Variants in ZEB1 observed in about 807,000 individuals in gnomAD.
ZEB1 encodes zinc finger E-box-binding homeobox 1.
ZEB1 carries 21 observed loss-of-function variants against 84.9 expected under a neutral mutation model. That is an observed-to-expected ratio of 0.25 (90% CI 0.18 to 0.36). The LOEUF is 0.36. ZEB1 is among the 10% of genes least tolerant of loss of function. The pLI, the probability that ZEB1 is intolerant of heterozygous loss-of-function variation, is 1.00. For missense variants in ZEB1, 1,104 were observed against 1,330.2 expected, an observed-to-expected ratio of 0.83 and a Z score of 2.65; for synonymous variants, 420 against 471.1, an observed-to-expected ratio of 0.89 and a Z score of 1.41.
chr10:31,470,790 A>G (rs1227552947), intron 2 of ZEB1, among the ~76,000 whole-genome samples: 25 of 135,342 alleles, frequency 1.8e-4, no homozygotes, highest in Middle Eastern at 3.6e-3. Flanking sequence ...AATGAAGGAA[A>G]AAATGTTAAG....
At chr10:31,402,604 G>A (rs2052266344) in intron 1 of ZEB1, among the ~76,000 whole-genome samples, 1 of 151,972 alleles carries the variant, frequency 6.6e-6, no homozygotes, top group Admixed American at 6.6e-5. Context: ...ACTAGTGACT[G>A]CTGAAGTTTC....
chr10:31,445,362 C>G (rs1185118972), intron 1 of ZEB1, among the ~76,000 whole-genome samples: 1 of 149,454 alleles, frequency 6.7e-6, no homozygotes, highest in Non-Finnish European at 1.5e-5. Flanking sequence ...TGTCTGCAAA[C>G]AGGGACAATT....
intron 1 of ZEB1, among the ~76,000 whole-genome samples, chr10:31,359,559 T>C (rs1277165255): frequency 2.6e-5 from 4 of 152,144 alleles, no homozygotes; most frequent in Non-Finnish European, 5.9e-5. Context: ...AAGAACCTTA[T>C]ACCTTTTGGA....
At chr10:31,371,630 G>T (rs1355152746) in intron 1 of ZEB1, among the ~76,000 whole-genome samples, 2 of 152,002 alleles carry the variant, frequency 1.3e-5, no homozygotes, top group African/African-American at 4.8e-5. Context: ...ATCCATTTCT[G>T]TGTCTTTATG....
chr10:31,458,050 T>C (rs1399199339), intron 1 of ZEB1, among the ~76,000 whole-genome samples: 1 of 152,102 alleles, frequency 6.6e-6, no homozygotes, highest in Admixed American at 6.5e-5. Context: ...ACAGCAGGAA[T>C]GTCAGCTATC....
intron 1 of ZEB1, among the ~76,000 whole-genome samples, chr10:31,381,302 G>C (rs2047585308): frequency 6.6e-6 from 1 of 152,084 alleles, no homozygotes; most frequent in South Asian, 2.1e-4. Flanking sequence ...TAAAGTACCA[G>C]ATATACTGTA....
chr10:31,387,391 G>T, intron 1 of ZEB1: 1 of 759,910 alleles, frequency 1.3e-6, no homozygotes, highest in Non-Finnish European at 1.6e-6. Flanking sequence ...CCTACCTGTG[G>T]GTAGGACATC....
At chr10:31,437,402 CAT>C (rs1001689148) in intron 1 of ZEB1, among the ~76,000 whole-genome samples, 4 of 152,140 alleles carry the variant, frequency 2.6e-5, no homozygotes, top group African/African-American at 7.2e-5. Flanking sequence ...AAGCTTGTAA[CAT>C]ATTATAATGC....
intron 1 of ZEB1, among the ~76,000 whole-genome samples, chr10:31,367,697 A>G (rs896501557): frequency 6.6e-6 from 1 of 152,146 alleles, no homozygotes; most frequent in African/African-American, 2.4e-5. Flanking sequence ...TTTCTAAAGG[A>G]TTGCTTTAAG....
rs566616505 is a variant in ZEB1 at position 31,493,822 on chromosome 10, T to G, written c.260-1954T>G. 4.2e-4 allele frequency among the ~76,000 whole-genome samples: 64 copies of G among 152,096 alleles called. No individual in the cohort carries two copies. In the Middle Eastern group the frequency reaches 0.017, roughly 40 times the overall value. ...ATGAGGGAAAAAAATATACTTCTAG[T>G]TTTTAAATTGTGGGAAATAGGTCTG... On this transcript the variant is annotated intron_variant, in intron 2 of 8. Transcript: ENST00000424869.
chr10:31,438,833 G>C (rs187947710), intron 1 of ZEB1, among the ~76,000 whole-genome samples: 1 of 152,248 alleles, frequency 6.6e-6, no homozygotes, highest in East Asian at 1.9e-4. Flanking sequence ...GACAGAGTGA[G>C]ACCTCGTGTC....
chr10:31,470,011 T>A (rs375973160), intron 2 of ZEB1, among the ~76,000 whole-genome samples: 55 of 152,010 alleles, frequency 3.6e-4, no homozygotes, highest in East Asian at 3.3e-3. Context: ...TCCTGTCTGT[T>A]AGAAGGAAAA....
chr10:31,406,867 G>C (rs924867446), intron 1 of ZEB1, among the ~76,000 whole-genome samples: 1 of 151,992 alleles, frequency 6.6e-6, no homozygotes, highest in Non-Finnish European at 1.5e-5. Context: ...GTTAATTTTT[G>C]TATGAGGTGT....
At chr10:31,333,967 C>G (rs931778474) in intron 1 of ZEB1, among the ~76,000 whole-genome samples, 1 of 151,900 alleles carries the variant, frequency 6.6e-6, no homozygotes, top group Non-Finnish European at 1.5e-5. Flanking sequence ...GTGAGGGTCA[C>G]TCAATAGTTA....
chr10:31,319,395 G>A lies in ZEB1; in HGVS notation c.58+103G>A, dbSNP rs1215284125. 11 of 1,154,908 alleles carry A rather than the reference G, an allele frequency of 9.5e-6. No homozygotes were observed. The Admixed American group carries it at 1.0e-4, about 11-fold the overall frequency. The allele number at this position is 1,154,908 out of a possible 1,614,324, so 71.5% of individuals were successfully genotyped here. Reference sequence around the variant, plus strand: ...GCGAGCCGGGCTGGGGGCAGCCGGGGCAGGGACGGCAAAGTGGAGTGGGAA... The same window carrying A: ...GCGAGCCGGGCTGGGGGCAGCCGGGACAGGGACGGCAAAGTGGAGTGGGAA... On this transcript the variant is annotated intron_variant, in intron 1 of 8. Transcript: ENST00000424869.
intron 1 of ZEB1, among the ~76,000 whole-genome samples, chr10:31,367,014 G>C (rs1197033308): frequency 6.6e-6 from 1 of 152,112 alleles, no homozygotes; most frequent in Non-Finnish European, 1.5e-5. Context: ...CTCTATCCAA[G>C]AAGTAATGAA....
At chr10:31,362,673 T>G (rs1392792675) in intron 1 of ZEB1, 1 of 422,738 alleles carries the variant, frequency 2.4e-6, no homozygotes, top group Non-Finnish European at 4.4e-6. Context: ...GCTCCTCACT[T>G]CCCAGATGGT....
rs2139802195 is a variant in ZEB1, at chr10:31,520,915, A to G, written c.1583A>G (p.Asn528Ser). The change falls in exon 7 of 9, where the codon AAT becomes AGT. Residue 528 changes from asparagine (N) to serine (S), a missense_variant. Coordinates refer to ENST00000424869, the MANE Select transcript of ZEB1 (RefSeq NM_001174096.2). This position sits in a 1 kb window ranked among gnomAD's most constrained non-coding sequence, Gnocchi z 5.1. ...GACAAAAGCTTTGAAGGGGGGGTGA[A>G]TGATAGCACTTGTCTTCTGTGTGAT... The part of the protein sequence containing the change: ...EKDKSFEGGV[N>S]DSTCLLCDDC... 6.2e-7 allele frequency: 1 copy of G among 1,614,108 alleles called. No homozygotes were observed. The highest frequency in any genetic ancestry group is 8.5e-7 in the Non-Finnish European group (1 of 1,180,006).
At chr10:31,353,761 T>A (rs748463865) in intron 1 of ZEB1, among the ~76,000 whole-genome samples, 2 of 152,212 alleles carry the variant, frequency 1.3e-5, no homozygotes, top group Non-Finnish European at 2.9e-5. Flanking sequence ...TTAGTCTCAT[T>A]AGTCACCAGC....
Sources: allele counts gnomAD v4.1 joint callset (sites outside exome capture counted in the v4.1 genomes callset), GRCh38; gene constraint gnomAD v4.1.1; non-coding constraint Gnocchi (gnomAD v3.1); transcripts MANE v1.5; gene names NCBI Gene and HGNC (gene_info 2026-07-23, HGNC 2026-07-21).